CDH8: variants seen among roughly 807,000 people sequenced by gnomAD.
The protein encoded by CDH8 is cadherin 8, also known as cadherin-8.
A neutral mutation model predicts 68.1 loss-of-function variants in CDH8; 17 were observed. The observed-to-expected ratio is 0.25, with a 90% CI of 0.17 to 0.37. The LOEUF (loss-of-function observed/expected upper bound fraction) is 0.37, where lower values mean the gene tolerates loss of function less well. Ranked by LOEUF, CDH8 falls within the 10% of genes least tolerant of loss-of-function variation. The pLI, the probability that CDH8 is intolerant of heterozygous loss-of-function variation, is 1.00. For synonymous variants in CDH8, 372 were observed against 365.1 expected (o/e 1.02, Z -0.21); for missense variants, 763 against 999.3 (o/e 0.76, Z 3.19).
chr16:61,752,744 T>A (rs1180041329), intron 8 of CDH8, among the ~76,000 whole-genome samples: 1 of 152,224 alleles, frequency 6.6e-6, no homozygotes, highest in Non-Finnish European at 1.5e-5. Context: ...TATTTGCCAT[T>A]CATTTATAAA....
At chr16:61,736,135 GGAAGGAAGGAAGGAAGGAAGGAAA>G (rs1005109239) in intron 8 of CDH8, among the ~76,000 whole-genome samples, 4 of 150,132 alleles carry the variant, frequency 2.7e-5, no homozygotes, top group African/African-American at 9.8e-5. Flanking sequence ...AAGGAAGGAA[GGAAGGAAGGAAGGAAGGAAGGAAA>G]GAAGGAAGGA....
intron 3 of CDH8, among the ~76,000 whole-genome samples, chr16:61,887,043 T>C (rs181296445): frequency 3.3e-5 from 5 of 152,334 alleles, no homozygotes; most frequent in Non-Finnish European, 5.9e-5. Flanking sequence ...ACAATATTCA[T>C]TCCTGTGTTC....
chr16:61,910,042 A>T (rs914726113), intron 2 of CDH8, among the ~76,000 whole-genome samples: 3 of 152,114 alleles, frequency 2.0e-5, no homozygotes, highest in Non-Finnish European at 4.4e-5. Context: ...CACAAATCTC[A>T]TTTTTTTATA....
At chr16:62,011,677 A>AAC (rs3072066) in intron 2 of CDH8, among the ~76,000 whole-genome samples, 86,159 of 151,820 alleles carry the variant, frequency 0.57, 24,697 homozygotes, top group East Asian at 0.76. Flanking sequence ...GTAGTGTTAA[A>AAC]ACAGATTCTG....
intron 2 of CDH8, among the ~76,000 whole-genome samples, chr16:61,945,605 A>G (rs948127812): frequency 5.3e-5 from 8 of 152,208 alleles, no homozygotes; most frequent in Non-Finnish European, 4.4e-5. Context: ...CTTGACAAGG[A>G]AGAACAGAGA....
rs768323789 is a variant in CDH8 at position 61,819,321 on chromosome 16, AT to A, written c.1024-1590del. Among the ~76,000 whole-genome samples, 8 of 152,190 alleles carry A rather than the reference AT, an allele frequency of 5.3e-5. No homozygotes were observed. In the South Asian group the frequency reaches 6.2e-4, roughly 12 times the overall value. On this transcript the variant is annotated intron_variant, in intron 6 of 11. Coordinates refer to ENST00000577390, the MANE Select transcript of CDH8 (RefSeq NM_001796.5). ...ATAGTATATGCTTCCAAGTTTATGA[AT>A]AACAGCAAATAAAAATAAAGTAAAT...
intron 8 of CDH8, among the ~76,000 whole-genome samples, chr16:61,740,456 A>T (rs1437810197): frequency 3.3e-5 from 5 of 152,154 alleles, no homozygotes; most frequent in Admixed American, 2.6e-4. Context: ...AGAATTTATT[A>T]TAGTGGATTT....
intron 2 of CDH8, among the ~76,000 whole-genome samples, chr16:62,017,622 C>T (rs1043076733): frequency 6.6e-5 from 10 of 152,182 alleles, no homozygotes; most frequent in Non-Finnish European, 1.5e-4. Context: ...CTTCAGTGAG[C>T]TGTGAGTGCA....
chr16:61,768,817 T>C (rs2142983108), intron 8 of CDH8, among the ~76,000 whole-genome samples: 1 of 151,952 alleles, frequency 6.6e-6, no homozygotes, highest in Non-Finnish European at 1.5e-5. Flanking sequence ...ATATTAACAG[T>C]AACAATCCTT....
At chr16:61,731,105 G>A (rs148127005) in intron 8 of CDH8, among the ~76,000 whole-genome samples, 108 of 151,740 alleles carry the variant, frequency 7.1e-4, no homozygotes, top group Admixed American at 2.0e-3. Flanking sequence ...TTGCTTGAGA[G>A]TGAAAGAGAA....
intron 10 of CDH8, among the ~76,000 whole-genome samples, chr16:61,699,401 C>T (rs568611520): frequency 6.6e-6 from 1 of 152,260 alleles, no homozygotes; most frequent in East Asian, 1.9e-4. Flanking sequence ...GTTAATGGTA[C>T]TTCATTTACT....
In CDH8 at chr16:61,652,128, G is replaced by A; in HGVS notation, c.*1480C>T. The A allele has an allele frequency of 4.1e-6, 4 of 970,016 alleles. No individual in the cohort carries two copies. The highest frequency in any genetic ancestry group is 4.9e-6 in the Non-Finnish European group (4 of 815,930). The allele number at this position is 970,016 out of a possible 1,614,324, so 60.1% of individuals were successfully genotyped here. On this transcript the variant is annotated 3_prime_UTR_variant, in exon 12 of 12. Transcript: ENST00000577390. ...GCAAAGTAGAAAATTAAAATGATCT[G>A]CATGTAATACTTGAGTTTTATCATA...
intron 8 of CDH8, among the ~76,000 whole-genome samples, chr16:61,731,194 A>G (rs995814548): frequency 1.7e-4 from 26 of 151,736 alleles, no homozygotes; most frequent in African/African-American, 6.0e-4. Context: ...TCAAAACACT[A>G]AAGGTTGCTA....
At position 61,768,314 on chromosome 16, in the gene CDH8, T is replaced by TTC. The variant is rs1206629963; in HGVS notation, c.1414+21030_1414+21031dup. ...AGGCTCTCTCTCTGTGTCTCTCCCT[T>TTC]TCTCTCTCTCTCTCTCTCTCTCTCT... On this transcript the variant is annotated intron_variant, in intron 8 of 11. Coordinates refer to ENST00000577390, the MANE Select transcript of CDH8 (RefSeq NM_001796.5). 5.5e-3 allele frequency among the ~76,000 whole-genome samples: 95 copies of TTC among 17,194 alleles called. 4 individuals are homozygous for TTC. The highest frequency in any genetic ancestry group is 0.01 in the East Asian group (4 of 382). The allele number at this position is 17,194 out of a possible 152,430, so 11.3% of individuals were successfully genotyped here. A position where few individuals can be genotyped will look rare whatever the true frequency, so the allele number is the denominator to read the frequency against.
At chr16:61,701,925 C>T (rs1314408277) in intron 10 of CDH8, among the ~76,000 whole-genome samples, 1 of 152,198 alleles carries the variant, frequency 6.6e-6, no homozygotes, top group East Asian at 1.9e-4. Context: ...GACTGTCAGT[C>T]TTAATTTTTA....
intron 8 of CDH8, among the ~76,000 whole-genome samples, chr16:61,753,762 C>T (rs8045958): frequency 0.16 from 23,673 of 151,556 alleles, 2,971 homozygotes; most frequent in African/African-American, 0.35. Context: ...GTTATTGGGG[C>T]CAAAATTGAG....
chr16:61,669,284 C>A (rs1402409887), intron 10 of CDH8, among the ~76,000 whole-genome samples: 1 of 151,990 alleles, frequency 6.6e-6, no homozygotes, highest in East Asian at 1.9e-4. Flanking sequence ...TTAATTAATT[C>A]CACCTTCAGT....
chr16:61,943,040 C>A (rs1227908022), intron 2 of CDH8, among the ~76,000 whole-genome samples: 1 of 152,088 alleles, frequency 6.6e-6, no homozygotes, highest in African/African-American at 2.4e-5. Flanking sequence ...CTTGCCTGGA[C>A]AAAAGAGTGA....
At chr16:61,756,141 A>G (rs903838179) in intron 8 of CDH8, among the ~76,000 whole-genome samples, 3 of 152,014 alleles carry the variant, frequency 2.0e-5, no homozygotes, top group Non-Finnish European at 2.9e-5. Context: ...TTTTGTAACC[A>G]AGTTGTTACT....
Sources: gnomAD v4.1 joint callset for allele counts (sites outside exome capture counted in the v4.1 genomes callset) on GRCh38, gnomAD v4.1.1 for gene constraint, MANE v1.5 for transcripts, NCBI Gene and HGNC (gene_info 2026-07-23, HGNC 2026-07-21) for gene names.